The following CCDC138 variants were observed in gnomAD, a reference collection of about 807,000 sequenced individuals.
The protein encoded by CCDC138 is coiled-coil domain containing 138, also known as coiled-coil domain-containing protein 138.
Under a neutral mutation model 82.3 loss-of-function variants are expected in CCDC138, and 66 were observed. The observed-to-expected ratio is 0.80, with a 90% CI of 0.66 to 0.98. CCDC138 has a LOEUF of 0.98. CCDC138 is among the 50% of genes least tolerant of loss of function. The pLI is 0.00. For missense variants in CCDC138, 816 were observed against 758.9 expected, an observed-to-expected ratio of 1.08 and a Z score of -0.88; for synonymous variants, 297 against 265.4, an observed-to-expected ratio of 1.12 and a Z score of -1.16.
chr2:108,837,652 C>T (rs994693002), intron 10 of CCDC138, among the ~76,000 whole-genome samples: 6 of 152,118 alleles, frequency 3.9e-5, no homozygotes, highest in Non-Finnish European at 5.9e-5. Flanking sequence ...CTGCCAGTTA[C>T]ATAAAAGAAT....
intron 14 of CCDC138, 115 bp downstream of exon 14, chr2:108,873,704 C>T: frequency 1.6e-6 from 1 of 630,900 alleles, no homozygotes; most frequent in East Asian, 2.8e-5. Flanking sequence ...AGAAGAATTG[C>T]CTTGTGCCAC....
intron 10 of CCDC138, among the ~76,000 whole-genome samples, chr2:108,817,386 G>A (rs1332101895): frequency 4.0e-5 from 6 of 151,726 alleles, no homozygotes; most frequent in Middle Eastern, 3.4e-3. Context: ...TCCACCTCCC[G>A]GGTTCAAGTG....
intron 13 of CCDC138, among the ~76,000 whole-genome samples, chr2:108,866,071 G>A (rs1168802299): frequency 5.9e-5 from 9 of 152,100 alleles, no homozygotes; most frequent in Admixed American, 5.9e-4. Flanking sequence ...TTGACTTACT[G>A]GCTTTGATGT....
chr2:108,831,468 C>A (rs1437240178), intron 10 of CCDC138, among the ~76,000 whole-genome samples: 1 of 151,880 alleles, frequency 6.6e-6, no homozygotes, highest in Non-Finnish European at 1.5e-5. Flanking sequence ...TCGGAAGAGG[C>A]TTGGTATTTA....
intron 10 of CCDC138, among the ~76,000 whole-genome samples, chr2:108,820,354 A>G (rs181945769): frequency 1.2e-4 from 19 of 152,332 alleles, no homozygotes; most frequent in Admixed American, 1.0e-3. Flanking sequence ...GTGAACCACT[A>G]TATGTGTAAT....
intron 12 of CCDC138, among the ~76,000 whole-genome samples, chr2:108,856,517 G>A (rs989718788): frequency 4.6e-5 from 7 of 152,262 alleles, no homozygotes; most frequent in Admixed American, 4.6e-4. Context: ...AATAGGCATT[G>A]TTTTTCTTCC....
intron 13 of CCDC138, among the ~76,000 whole-genome samples, chr2:108,866,631 T>G (rs1303604932): frequency 1.3e-5 from 2 of 152,182 alleles, no homozygotes; most frequent in East Asian, 1.9e-4. Context: ...ATGCCTGTAA[T>G]CCCAGCACTT....
chr2:108,815,104 G>A (rs1343308334), intron 9 of CCDC138, among the ~76,000 whole-genome samples: 1 of 151,600 alleles, frequency 6.6e-6, no homozygotes, highest in Non-Finnish European at 1.5e-5. Context: ...ATTTTGGTAG[G>A]CTGTCAGAGG....
chr2:108,806,884 G>A (rs970947221), intron 7 of CCDC138, among the ~76,000 whole-genome samples: 3 of 152,192 alleles, frequency 2.0e-5, no homozygotes, highest in Non-Finnish European at 4.4e-5. Flanking sequence ...ATCATAGGGA[G>A]ATAGTCCCAG....
chr2:108,873,099 CTT>C lies in CCDC138; in HGVS notation c.1694-351_1694-350del, dbSNP rs369849201. On this transcript the variant is annotated intron_variant, in intron 13 of 14. Transcript: ENST00000295124. ...TGTTTTTTGTTTTTTTAATTTACTA[CTT>C]AAGCAGAATTTCTTGTTGCTAATTA... is the stretch of plus-strand genomic sequence containing the variant. 9.1e-4 allele frequency among the ~76,000 whole-genome samples: 138 copies of C among 152,202 alleles called. 1 individual carries two copies. In the South Asian group the frequency reaches 0.016, roughly 18 times the overall value.
At chr2:108,862,000 GT>G (rs1247758653) in intron 13 of CCDC138, among the ~76,000 whole-genome samples, 1 of 149,680 alleles carries the variant, frequency 6.7e-6, no homozygotes, top group African/African-American at 2.5e-5. Context: ...GTGTTTATAT[GT>G]TTTTGAGAGT....
chr2:108,809,375 C>T (rs920176814), intron 7 of CCDC138, among the ~76,000 whole-genome samples: 1 of 151,494 alleles, frequency 6.6e-6, no homozygotes, highest in African/African-American at 2.4e-5. Context: ...TTTTAATAAA[C>T]ATTATGTTGA....
chr2:108,790,695 C>T (rs538265238), intron 3 of CCDC138, among the ~76,000 whole-genome samples: 4 of 152,100 alleles, frequency 2.6e-5, no homozygotes, highest in South Asian at 2.1e-4. Context: ...AGTGAGACTC[C>T]GTCTCAAAAA....
intron 10 of CCDC138, among the ~76,000 whole-genome samples, chr2:108,831,117 G>T (rs1429940939): frequency 6.6e-6 from 1 of 152,038 alleles, no homozygotes; most frequent in Non-Finnish European, 1.5e-5. Context: ...AGAAGTTTCA[G>T]TGAGCCAAGA....
chr2:108,837,172 C>G (rs1688715095), intron 10 of CCDC138, among the ~76,000 whole-genome samples: 1 of 152,034 alleles, frequency 6.6e-6, no homozygotes, highest in Admixed American at 6.5e-5. Flanking sequence ...AATCTGTGGG[C>G]TTTTTATATA....
intron 11 of CCDC138, among the ~76,000 whole-genome samples, chr2:108,844,022 T>G (rs748287961): frequency 6.7e-6 from 1 of 150,240 alleles, no homozygotes; most frequent in Non-Finnish European, 1.5e-5. Flanking sequence ...CTACCTTACC[T>G]GGTTAATTTT....
intron 13 of CCDC138, among the ~76,000 whole-genome samples, chr2:108,871,949 G>C (rs1350393772): frequency 6.6e-6 from 1 of 151,942 alleles, no homozygotes; most frequent in East Asian, 1.9e-4. Context: ...TTTTACTGTG[G>C]CTTCTCCAGG....
chr2:108,849,682 A>T (rs1047501261), intron 12 of CCDC138, among the ~76,000 whole-genome samples: 2 of 152,158 alleles, frequency 1.3e-5, no homozygotes, highest in Non-Finnish European at 2.9e-5. Context: ...AAGAAAAAAA[A>T]ATCTGACACT....
chr2:108,815,461 G>GTTTTTTTTTTTTTT (rs35206784), intron 9 of CCDC138, among the ~76,000 whole-genome samples: 3 of 70,702 alleles, frequency 4.2e-5, no homozygotes, highest in African/African-American at 1.1e-4. Context: ...GGTTTTTGGT[G>GTTTTTTTTTTTTTT]TTTTTTTTTT....
Sources: allele counts gnomAD v4.1 joint callset (sites outside exome capture counted in the v4.1 genomes callset), GRCh38; gene constraint gnomAD v4.1.1; transcripts MANE v1.5; gene names NCBI Gene and HGNC (gene_info 2026-07-23, HGNC 2026-07-21).